Variants in DBF4B observed in about 807,000 individuals in gnomAD.
DBF4B encodes the protein DBF4B-CDC7 kinase regulatory subunit.
DBF4B carries 49 observed loss-of-function variants against 53.4 expected under a neutral mutation model. The ratio of observed to expected loss-of-function variants is 0.92; its 90% confidence interval spans 0.73 to 1.16. DBF4B has a LOEUF of 1.16. Among genes scored for constraint, DBF4B ranks in the 50% most tolerant of loss-of-function variants. The pLI, the probability that DBF4B is intolerant of heterozygous loss-of-function variation, is 0.00. For synonymous variants in DBF4B, 257 were observed against 288.7 expected (o/e 0.89, Z 1.11); for missense variants, 692 against 775.0 (o/e 0.89, Z 1.27).
intron 2 of DBF4B, among the ~76,000 whole-genome samples, chr17:44,721,031 A>AT (rs1376217238): frequency 2.0e-5 from 3 of 151,692 alleles, no homozygotes; most frequent in African/African-American, 7.3e-5. Flanking sequence ...ACGCCCGGTT[A>AT]TTTTTTGTAT....
Position 44,749,784 on chromosome 17 carries a change from C to T in DBF4B, c.1190-811C>T, listed in dbSNP as rs1191498171. The T allele has an allele frequency of 2.4e-5, 26 of 1,071,066 alleles. No individual in the cohort carries two copies. Among genetic ancestry groups the T allele is most frequent in the South Asian group, 8.9e-5 (3 of 33,570 alleles). The allele number at this position is 1,071,066 out of a possible 1,614,324, so 66.3% of individuals were successfully genotyped here. A position where few individuals can be genotyped will look rare whatever the true frequency, so the allele number is the denominator to read the frequency against. ...ACAGGCCCTTGCCTCTCTGCAGAGC[C>T]GCGGGTTAGCTGTTGGTGTGCTCCA... is the stretch of plus-strand genomic sequence containing the variant. On this transcript the variant is annotated intron_variant, in intron 13 of 13. Transcript: ENST00000315005. This position sits in a 1 kb window ranked among gnomAD's most constrained non-coding sequence, Gnocchi z 4.4.
At chr17:44,710,959 G>A (rs1394580318) in intron 2 of DBF4B, among the ~76,000 whole-genome samples, 1 of 132,320 alleles carries the variant, frequency 7.6e-6, no homozygotes, top group Non-Finnish European at 1.6e-5. Flanking sequence ...TTTTATTTTC[G>A]TTTTTATTCC....
At chr17:44,731,057 A>T (rs948900107) in intron 5 of DBF4B, 42 bp downstream of exon 5, 3 of 1,611,494 alleles carry the variant, frequency 1.9e-6, no homozygotes, top group African/African-American at 2.7e-5. Context: ...GGTCTCCAGC[A>T]TAGGGAGGGA....
Position 44,708,877 on chromosome 17 carries a change from G to A in DBF4B, c.19+38G>A, listed in dbSNP as rs997940631. 6 of 1,549,854 alleles carry A rather than the reference G, an allele frequency of 3.9e-6. No homozygotes were observed. The African/African-American group carries it at 4.1e-5, about 11-fold the overall frequency. ...GGAAGGGGAGAAAGAAAGGCGGAAG[G>A]GGTCGTTAATAGCTGAGGCGAGGTG... On this transcript the variant is annotated intron_variant, in intron 1 of 13. Coordinates refer to ENST00000315005, the MANE Select transcript of DBF4B (RefSeq NM_145663.3).
At chr17:44,732,059 C>A in intron 5 of DBF4B, 119 bp from the exon 6 acceptor site, 2 of 882,536 alleles carry the variant, frequency 2.3e-6, no homozygotes, top group South Asian at 1.6e-5. Flanking sequence ...TCCTACCTGC[C>A]TCCCTGCAGT....
At position 44,749,267 on chromosome 17, in the gene DBF4B, C is replaced by G. The variant is rs2049211445; in HGVS notation, c.1189+802C>G. On this transcript the variant is annotated intron_variant, in intron 13 of 13. Transcript: ENST00000315005. This position sits in a 1 kb window ranked among gnomAD's most constrained non-coding sequence, Gnocchi z 4.4. ...CCTGTCTCCCAGCCCTGGTCCCAAC[C>G]CCAGCCCCAGCCCCAGCCCCATGCT... is the stretch of plus-strand genomic sequence containing the variant. 1.6e-6 allele frequency: 2 copies of G among 1,289,998 alleles called. No individual in the cohort carries two copies. Among genetic ancestry groups the G allele is most frequent in the African/African-American group, 1.5e-5 (1 of 65,848 alleles). The allele number at this position is 1,289,998 out of a possible 1,614,324, so 79.9% of individuals were successfully genotyped here. A position where few individuals can be genotyped will look rare whatever the true frequency, so the allele number is the denominator to read the frequency against.
chr17:44,729,338 A>G (rs1974619994), intron 3 of DBF4B, among the ~76,000 whole-genome samples: 1 of 151,470 alleles, frequency 6.6e-6, no homozygotes, highest in Non-Finnish European at 1.5e-5. Flanking sequence ...AGTAGCTAGG[A>G]CTATAGGTGC....
intron 3 of DBF4B, among the ~76,000 whole-genome samples, chr17:44,725,525 C>T (rs1974233604): frequency 6.6e-6 from 1 of 151,828 alleles, no homozygotes. Context: ...ATCGCATAGT[C>T]AATTGTAGAA....
chr17:44,734,115 G>A lies in DBF4B; in HGVS notation c.582G>A (p.Leu194=), dbSNP rs149105047. The A allele has an allele frequency of 5.1e-5, 82 of 1,614,182 alleles. No homozygotes were observed. In the East Asian group the frequency reaches 1.7e-3, roughly 34 times the overall value. The part of the protein sequence containing the change: ...VDEMMMHVQQ[L]SLASLCVKKQ... ...AAATGATGATGCACGTGCAACAGCT[G>A]TCTCTTGCGTCTTTATGTGTGAAAA... The change falls in exon 7 of 14, where the codon CTG becomes CTA. Residue 194 remains leucine, a synonymous_variant. Coordinates refer to ENST00000315005, the MANE Select transcript of DBF4B (RefSeq NM_145663.3).
At chr17:44,713,064 G>T (rs1973033528) in intron 2 of DBF4B, among the ~76,000 whole-genome samples, 1 of 119,210 alleles carries the variant, frequency 8.4e-6, no homozygotes, top group Admixed American at 1.0e-4. Flanking sequence ...TTTTGAGACA[G>T]AGTCTTGCTC....
intron 2 of DBF4B, among the ~76,000 whole-genome samples, chr17:44,721,220 C>T (rs1167249131): frequency 8.2e-6 from 1 of 122,008 alleles, no homozygotes; most frequent in Non-Finnish European, 1.7e-5. Context: ...AATTCTTCCC[C>T]CCCCCTCCCC....
intron 2 of DBF4B, among the ~76,000 whole-genome samples, chr17:44,717,725 A>AT (rs60810037): frequency 6.7e-6 from 1 of 150,368 alleles, no homozygotes; most frequent in African/African-American, 2.5e-5. Flanking sequence ...AAAAAAAAAA[A>AT]TCCAGGGGGC....
At chr17:44,718,033 AGAAAG>A (rs375784283) in intron 2 of DBF4B, among the ~76,000 whole-genome samples, 6,336 of 151,940 alleles carry the variant, frequency 0.042, 147 homozygotes, top group Middle Eastern at 0.14. Flanking sequence ...CTCAAAAAAA[AGAAAG>A]AAAAGAAAAT....
Position 44,729,912 on chromosome 17 carries a change from AG to A in DBF4B, c.236del (p.Gly79ValfsTer3). The A allele has an allele frequency of 6.2e-7, 1 of 1,613,800 alleles. No homozygotes were observed. Among genetic ancestry groups the A allele is most frequent in the Non-Finnish European group, 8.5e-7 (1 of 1,179,842 alleles). On this transcript the variant is annotated frameshift_variant, in exon 4 of 14. Transcript: ENST00000315005. LOFTEE classifies it high-confidence loss of function. ...GAIQQLGGVI[E>X]GFLSKEVSYI... ...TCTGTGATCTGGTTTCAGGTAATTG[AG>A]GGTTTTCTGAGCAAAGAAGTAAGTT...
chr17:44,747,135 A>G lies in DBF4B; in HGVS notation c.883A>G (p.Arg295Gly). The change falls in exon 11 of 14, where the codon AGG becomes GGG. Residue 295 changes from arginine to glycine, a missense_variant. Transcript: ENST00000315005. ...ACGATCAGCTGCCCACACCATGCCC[A>G]GGAGGAAGAAAGGCTACTGCGAGTG... Reference protein sequence around the residue: ...SPRSAAHTMPRRKKGYCECCQ... With the variant: ...SPRSAAHTMPGRKKGYCECCQ... The G allele has an allele frequency of 1.2e-6, 2 of 1,614,222 alleles. No homozygotes were observed. The highest frequency in any genetic ancestry group is 1.7e-6 in the Non-Finnish European group (2 of 1,180,036).
At chr17:44,716,349 G>A (rs1973335717) in intron 2 of DBF4B, among the ~76,000 whole-genome samples, 1 of 152,086 alleles carries the variant, frequency 6.6e-6, no homozygotes, top group African/African-American at 2.4e-5. Context: ...TCTCTGGTAA[G>A]TATAAGCTTG....
rs1975489144 is a variant in DBF4B at position 44,736,803 on chromosome 17, C to A, written c.631-27C>A. The A allele has an allele frequency of 4.3e-6, 7 of 1,614,034 alleles. No individual in the cohort carries two copies. In the East Asian group the frequency reaches 1.6e-4, roughly 36 times the overall value. Reference sequence around the variant, plus strand: ...TTGACCCCCGTGGCTTCCTCACATCCTTAACCTATTTTTCCTTTCCATTTA... The same window carrying A: ...TTGACCCCCGTGGCTTCCTCACATCATTAACCTATTTTTCCTTTCCATTTA... On this transcript the variant is annotated intron_variant, in intron 7 of 13. Coordinates refer to ENST00000315005, the MANE Select transcript of DBF4B (RefSeq NM_145663.3).
intron 7 of DBF4B, among the ~76,000 whole-genome samples, chr17:44,735,685 A>G (rs940613891): frequency 6.6e-6 from 1 of 152,154 alleles, no homozygotes; most frequent in East Asian, 1.9e-4. Flanking sequence ...AGAAAAAAAA[A>G]TTAGTTTTGT....
intron 3 of DBF4B, 98 bp downstream of exon 3, chr17:44,723,120 T>C: frequency 6.7e-7 from 1 of 1,488,440 alleles, no homozygotes; most frequent in Non-Finnish European, 9.0e-7. Flanking sequence ...AGTATTTTCT[T>C]TTTTGAGACA....
Sources: allele counts gnomAD v4.1 joint callset (sites outside exome capture counted in the v4.1 genomes callset), GRCh38; gene constraint gnomAD v4.1.1; non-coding constraint Gnocchi (gnomAD v3.1); transcripts MANE v1.5; gene names NCBI Gene and HGNC (gene_info 2026-07-23, HGNC 2026-07-21).